RPS6KA2: variants seen among roughly 807,000 people sequenced by gnomAD.
The protein encoded by RPS6KA2 is ribosomal protein S6 kinase A2.
RPS6KA2 carries 42 observed loss-of-function variants against 91.8 expected under a neutral mutation model. The ratio of observed to expected loss-of-function variants is 0.46; its 90% CI spans 0.36 to 0.59. The LOEUF (loss-of-function observed/expected upper bound fraction) is 0.59. Ranked by LOEUF, RPS6KA2 falls within the 20% of genes least tolerant of loss-of-function variation. The pLI, the probability that RPS6KA2 is intolerant of heterozygous loss-of-function variation, is 0.00. For synonymous variants in RPS6KA2, 414 were observed against 393.6 expected (o/e 1.05, Z -0.61); for missense variants, 798 against 978.5 (o/e 0.82, Z 2.46).
chr6:166,786,099 G>A (rs1310294260), intron 2 of RPS6KA2, among the ~76,000 whole-genome samples: 2 of 152,138 alleles, frequency 1.3e-5, no homozygotes, highest in African/African-American at 4.8e-5. Flanking sequence ...AATTGAGTTA[G>A]GAACAGTGAC....
chr6:166,451,314 G>T, intron 12 of RPS6KA2, 81 bp from the exon 13 acceptor site: 1 of 1,502,152 alleles, frequency 6.7e-7, no homozygotes, highest in Non-Finnish European at 9.1e-7. Context: ...GTGTGCATGT[G>T]GTATGTGTGT....
intron 2 of RPS6KA2, among the ~76,000 whole-genome samples, chr6:166,532,487 G>C (rs1426356280): frequency 6.6e-6 from 1 of 152,220 alleles, no homozygotes; most frequent in Non-Finnish European, 1.5e-5. Context: ...TGGATTCACG[G>C]AGTTGCTGTA....
At chr6:166,488,442 C>T (rs1781484580) in intron 10 of RPS6KA2, among the ~76,000 whole-genome samples, 1 of 152,162 alleles carries the variant, frequency 6.6e-6, no homozygotes, top group South Asian at 2.1e-4. Context: ...TAAAGTAGAT[C>T]CTGATTTTAA....
chr6:166,461,035 G>A (rs1291982608), intron 11 of RPS6KA2, among the ~76,000 whole-genome samples: 1 of 151,960 alleles, frequency 6.6e-6, no homozygotes, highest in African/African-American at 2.4e-5. Flanking sequence ...AGAAACCAGG[G>A]CCCACAGCTA....
At chr6:166,461,515 AGAGATG>A (rs1318796053) in intron 11 of RPS6KA2, among the ~76,000 whole-genome samples, 1 of 62,520 alleles carries the variant, frequency 1.6e-5, no homozygotes, top group Non-Finnish European at 3.2e-5. Context: ...AGAGAGAGAG[AGAGATG>A]GGGAGAGATG....
At chr6:166,698,680 A>G (rs560274718) in intron 2 of RPS6KA2, among the ~76,000 whole-genome samples, 11 of 152,312 alleles carry the variant, frequency 7.2e-5, no homozygotes, top group Admixed American at 5.9e-4. Flanking sequence ...GAATATTGCA[A>G]TAGAGTAGTT....
At chr6:166,777,420 C>T (rs1778651971) in intron 2 of RPS6KA2, among the ~76,000 whole-genome samples, 1 of 152,066 alleles carries the variant, frequency 6.6e-6, no homozygotes, top group Non-Finnish European at 1.5e-5. Context: ...AACTGAGCCA[C>T]GGGGAAAGCA....
At chr6:166,501,170 G>A (rs1361515599) in intron 6 of RPS6KA2, among the ~76,000 whole-genome samples, 2 of 152,186 alleles carry the variant, frequency 1.3e-5, no homozygotes, top group Non-Finnish European at 2.9e-5. Flanking sequence ...ATGTGTGTTC[G>A]TGCAGCTGGA....
chr6:166,630,131 G>A (rs149404649), upstream of RPS6KA2, among the ~76,000 whole-genome samples: 343 of 152,312 alleles, frequency 2.3e-3, 2 homozygotes, highest in Middle Eastern at 6.8e-3. Flanking sequence ...AAGAGGAGGC[G>A]GGAGTCCCAG....
chr6:166,649,240 T>C (rs1787775631), intron 2 of RPS6KA2, among the ~76,000 whole-genome samples: 1 of 152,126 alleles, frequency 6.6e-6, no homozygotes, highest in African/African-American at 2.4e-5. Context: ...CTCCTGCCCC[T>C]GCCCTCCCCT....
At chr6:166,548,511 A>C (rs1485001867) in intron 1 of RPS6KA2, among the ~76,000 whole-genome samples, 1 of 152,254 alleles carries the variant, frequency 6.6e-6, no homozygotes, top group South Asian at 2.1e-4. Context: ...GATCAATGGA[A>C]TGGAATAGAG....
chr6:166,502,159 T>G (rs1782050636), intron 6 of RPS6KA2, among the ~76,000 whole-genome samples: 1 of 152,172 alleles, frequency 6.6e-6, no homozygotes, highest in African/African-American at 2.4e-5. Context: ...AATGGGAACG[T>G]GCTTAATGCC....
chr6:166,806,048 GA>G (rs1284800598), intron 2 of RPS6KA2, among the ~76,000 whole-genome samples: 2 of 152,170 alleles, frequency 1.3e-5, no homozygotes, highest in African/African-American at 4.8e-5. Context: ...TTAAGGATCG[GA>G]AAATGGAAAT....
chr6:166,801,540 C>G (rs1029683705), intron 2 of RPS6KA2, among the ~76,000 whole-genome samples: 1 of 151,972 alleles, frequency 6.6e-6, no homozygotes, highest in Non-Finnish European at 1.5e-5. Flanking sequence ...GAAGATAAAG[C>G]CTTGCTGTGT....
At position 166,562,855 on chromosome 6, in the gene RPS6KA2, G is replaced by A. The variant is rs372776623; in HGVS notation, c.100-24071C>T. The stretch of plus-strand genomic sequence containing the variant: ...GCTTTGCAGACGAGGTGTCTTAGTT[G>A]AGCCCTGAAGGCTACTTGGACTTCC... On this transcript the variant is annotated intron_variant, in intron 1 of 20. Coordinates refer to ENST00000265678, the MANE Select transcript of RPS6KA2 (RefSeq NM_021135.6). Among the ~76,000 whole-genome samples the A allele has an allele frequency of 4.6e-5, 7 of 152,322 alleles. No homozygotes were observed. In the East Asian group the frequency reaches 9.6e-4, roughly 21 times the overall value.
intron 1 of RPS6KA2, among the ~76,000 whole-genome samples, chr6:166,619,966 T>C (rs1012747085): frequency 8.5e-5 from 13 of 152,172 alleles, no homozygotes; most frequent in African/African-American, 2.9e-4. Context: ...CCTCCTGTTA[T>C]AAATTTGGCC....
intron 2 of RPS6KA2, among the ~76,000 whole-genome samples, chr6:166,802,944 G>A (rs9356515): frequency 0.23 from 30,780 of 133,486 alleles, 3,665 homozygotes; most frequent in African/African-American, 0.37. Flanking sequence ...GTGTGTGTGT[G>A]TATATATATA....
chr6:166,834,402 T>C (rs1399600118), intron 2 of RPS6KA2, among the ~76,000 whole-genome samples: 1 of 148,750 alleles, frequency 6.7e-6, no homozygotes, highest in Non-Finnish European at 1.5e-5. Context: ...AAATGGGAGC[T>C]AAATGATGAG....
At chr6:166,432,312 T>G (rs2128446214) in intron 15 of RPS6KA2, 89 bp downstream of exon 15, 641 of 814,630 alleles carry the variant, frequency 7.9e-4, no homozygotes, top group Non-Finnish European at 1.2e-3. Flanking sequence ...GCATGAGATG[T>G]GAGAAAGCTT....
Sources: gnomAD v4.1 joint callset for allele counts (sites outside exome capture counted in the v4.1 genomes callset) on GRCh38, gnomAD v4.1.1 for gene constraint, MANE v1.5 for transcripts, NCBI Gene and HGNC (gene_info 2026-07-23, HGNC 2026-07-21) for gene names.